The following ETS1 variants were observed in gnomAD, a reference collection of about 807,000 sequenced individuals.
ETS1 encodes protein C-ets-1.
ETS1 carries 15 observed loss-of-function variants against 58.6 expected under a neutral mutation model. The ratio of observed to expected loss-of-function variants is 0.26; its 90% CI spans 0.17 to 0.39. The LOEUF is 0.39. ETS1 is among the 10% of genes least tolerant of loss of function. The pLI, the probability that ETS1 is intolerant of heterozygous loss-of-function variation, is 1.00. For synonymous variants in ETS1, 214 were observed against 218.2 expected (o/e 0.98, Z 0.17); for missense variants, 417 against 610.5 (o/e 0.68, Z 3.34).
At chr11:128,504,168 C>T (rs1258497271) in intron 3 of ETS1, among the ~76,000 whole-genome samples, 2 of 152,192 alleles carry the variant, frequency 1.3e-5, no homozygotes, top group Admixed American at 1.3e-4. Context: ...CCATTACGCT[C>T]ACTGCTAAAC....
chr11:128,536,622 G>A (rs1031500772), intron 3 of ETS1: 1 of 152,162 alleles, frequency 6.6e-6, no homozygotes, highest in African/African-American at 2.4e-5. Context: ...GCAATGTTAA[G>A]AGGCATAACA....
At chr11:128,540,806 C>T (rs992678100) in intron 3 of ETS1, among the ~76,000 whole-genome samples, 5 of 152,112 alleles carry the variant, frequency 3.3e-5, no homozygotes, top group African/African-American at 1.2e-4. Context: ...GATTGGGAGC[C>T]CCGTGTGGAG....
chr11:128,507,814 C>A (rs1056077993), intron 3 of ETS1, among the ~76,000 whole-genome samples: 1 of 152,200 alleles, frequency 6.6e-6, no homozygotes. Context: ...CCTGGGAGAA[C>A]AGGAGTTCTA....
At position 128,556,453 on chromosome 11, in the gene ETS1, G is replaced by C. The variant is rs1864314493; in HGVS notation, c.70-18C>G. The stretch of plus-strand genomic sequence containing the variant: ...CCTTGCCTCTGTGCAAGAAAAAATA[G>C]AAGAAAATATATTAGGAGGAAAATC... On this transcript the variant is annotated intron_variant, in intron 2 of 9. Transcript: ENST00000392668. The C allele has an allele frequency of 3.9e-6, 6 of 1,555,662 alleles. No individual in the cohort carries two copies. The highest frequency in any genetic ancestry group is 5.2e-6 in the Non-Finnish European group (6 of 1,148,936).
intron 3 of ETS1, among the ~76,000 whole-genome samples, chr11:128,531,007 G>T (rs1314044587): frequency 6.6e-6 from 1 of 152,150 alleles, no homozygotes; most frequent in Non-Finnish European, 1.5e-5. Flanking sequence ...AGGTAAAAAG[G>T]CTATTGCAAA....
intron 1 of ETS1, among the ~76,000 whole-genome samples, chr11:128,577,958 G>C (rs1431635718): frequency 6.7e-6 from 1 of 150,206 alleles, no homozygotes; most frequent in East Asian, 1.9e-4. Flanking sequence ...GCTTCTCTAA[G>C]CACCCTCATC....
intron 3 of ETS1, among the ~76,000 whole-genome samples, chr11:128,498,906 T>C (rs1429551090): frequency 1.3e-5 from 2 of 152,252 alleles, no homozygotes; most frequent in East Asian, 3.8e-4. Flanking sequence ...CCACATGACA[T>C]ACTTTATAGT....
intron 3 of ETS1, chr11:128,526,828 A>G: frequency 9.3e-6 from 4 of 429,686 alleles, no homozygotes. Context: ...TGGATTTGTC[A>G]CATGTTAGAG....
chr11:128,530,928 T>C (rs562950097), intron 3 of ETS1, among the ~76,000 whole-genome samples: 8 of 152,212 alleles, frequency 5.3e-5, no homozygotes, highest in Non-Finnish European at 1.2e-4. Context: ...CCACTTTTAG[T>C]GAGCTAATGC....
chr11:128,585,332 C>CAAGGAAGG lies in ETS1; in HGVS notation c.-15+2148_-15+2155dup, dbSNP rs71055286. Among the ~76,000 whole-genome samples, 131 of 137,348 alleles carry CAAGGAAGG rather than the reference C, an allele frequency of 9.5e-4. 1 individual carries two copies. The highest frequency in any genetic ancestry group is 3.1e-3 in the African/African-American group (112 of 36,354). The allele number at this position is 137,348 out of a possible 152,430, so 90.1% of individuals were successfully genotyped here. Reference sequence around the variant, plus strand: ...GGGAGGGAAGAAGGAAGGAAGGAAGCAAGGAAGGAAGGAAGCAAGGAAGGA... The same window carrying CAAGGAAGG: ...GGGAGGGAAGAAGGAAGGAAGGAAGCAAGGAAGGAAGGAAGGAAGGAAGCAAGGAAGGA... On this transcript the variant is annotated intron_variant, in intron 1 of 9. Transcript: ENST00000392668.
intron 3 of ETS1, among the ~76,000 whole-genome samples, chr11:128,542,647 C>T (rs925560676): frequency 6.6e-6 from 1 of 151,940 alleles, no homozygotes. Context: ...TGATAGTGAC[C>T]TTCATCAAAA....
chr11:128,489,149 T>C (rs565583028), intron 5 of ETS1, 141 bp downstream of exon 5: 1 of 728,566 alleles, frequency 1.4e-6, no homozygotes, highest in South Asian at 1.6e-5. Context: ...CTGAGCAGTG[T>C]ACTAGGCACA....
chr11:128,557,695 T>C (rs886123193), intron 2 of ETS1, among the ~76,000 whole-genome samples: 2 of 152,096 alleles, frequency 1.3e-5, no homozygotes, highest in African/African-American at 4.8e-5. Flanking sequence ...CTCTCTTGGG[T>C]CCCTGCACCT....
chr11:128,536,838 T>G (rs2135537654), intron 3 of ETS1: 1 of 152,384 alleles, frequency 6.6e-6, no homozygotes, highest in South Asian at 2.1e-4. Flanking sequence ...TCATACTCTC[T>G]TCATAAAGTT....
chr11:128,468,819 A>G (rs911680610), intron 8 of ETS1, among the ~76,000 whole-genome samples: 4 of 152,220 alleles, frequency 2.6e-5, no homozygotes, highest in African/African-American at 7.2e-5. Context: ...AAAGCCTAGC[A>G]CAGTGCCTCA....
At chr11:128,489,592 A>C (rs1365152319) in intron 4 of ETS1, 102 bp from the exon 5 acceptor site, 18 of 862,102 alleles carry the variant, frequency 2.1e-5, no homozygotes, top group Non-Finnish European at 3.4e-5. Context: ...TGAGAATGCT[A>C]TCTTTATTCA....
At chr11:128,522,362 G>A (rs976343692) in intron 3 of ETS1, 12 of 996,664 alleles carry the variant, frequency 1.2e-5, no homozygotes, top group Non-Finnish European at 1.4e-5. Context: ...TCCTCTTTAG[G>A]GCGTTTCTCG....
chr11:128,510,733 C>T (rs1443124072), intron 3 of ETS1, among the ~76,000 whole-genome samples: 2 of 152,170 alleles, frequency 1.3e-5, no homozygotes, highest in South Asian at 2.1e-4. Context: ...CCATCCCTAC[C>T]TCCCCTTCCC....
chr11:128,502,168 C>A (rs1863108514), intron 3 of ETS1, among the ~76,000 whole-genome samples: 1 of 152,224 alleles, frequency 6.6e-6, no homozygotes, highest in South Asian at 2.1e-4. Flanking sequence ...GCCCTGTATG[C>A]ACAGCTCCAA....
Sources: gnomAD v4.1 joint callset for allele counts (sites outside exome capture counted in the v4.1 genomes callset) on GRCh38, gnomAD v4.1.1 for gene constraint, MANE v1.5 for transcripts, NCBI Gene and HGNC (gene_info 2026-07-23, HGNC 2026-07-21) for gene names.